The following PGBD5 variants were observed in gnomAD, a reference collection of about 807,000 sequenced individuals.
PGBD5 encodes piggyBac transposable element derived 5.
PGBD5 carries 14 observed loss-of-function variants against 47.9 expected under a neutral mutation model. That is an observed-to-expected ratio of 0.29 (90% CI 0.19 to 0.46). The LOEUF is 0.46. Ranked by LOEUF, PGBD5 falls within the 20% of genes least tolerant of loss-of-function variation. PGBD5 has a pLI of 1.00. For missense variants in PGBD5, 635 were observed against 716.0 expected, an observed-to-expected ratio of 0.89 and a Z score of 1.29; for synonymous variants, 316 against 306.3, an observed-to-expected ratio of 1.03 and a Z score of -0.33.
intron 3 of PGBD5, among the ~76,000 whole-genome samples, chr1:230,338,610 C>A (rs962283384): frequency 6.6e-6 from 1 of 152,112 alleles, no homozygotes; most frequent in African/African-American, 2.4e-5. Flanking sequence ...ACCAGCCTGA[C>A]CAACATGGTG....
chr1:230,326,398 G>A (rs1667118424), intron 5 of PGBD5, among the ~76,000 whole-genome samples: 1 of 152,136 alleles, frequency 6.6e-6, no homozygotes, highest in Non-Finnish European at 1.5e-5. Flanking sequence ...CAGCCTGGGT[G>A]ACAAGAGCGA....
At position 230,322,209 on chromosome 1, in the gene PGBD5, G is replaced by A. The variant is rs1422928355; in HGVS notation, c.*1216C>T. 1.3e-5 allele frequency: 2 copies of A among 152,312 alleles called. No individual in the cohort carries two copies. The highest frequency in any genetic ancestry group is 1.3e-4 in the Admixed American group (2 of 15,284). The allele number at this position is 152,312 out of a possible 1,614,324, so 9.4% of individuals were successfully genotyped here. A position where few individuals can be genotyped will look rare whatever the true frequency, so the allele number is the denominator to read the frequency against. On this transcript the variant is annotated 3_prime_UTR_variant, in exon 7 of 7. Coordinates refer to ENST00000391860, the MANE Select transcript of PGBD5 (RefSeq NM_001258311.2). The surrounding 1 kb of genome is among the most constrained non-coding windows in gnomAD (Gnocchi z 5.9). ...GCCCAGATCTGCCTGGGGGACACACGAGCCTCGCTGCCAGTGCCGGGCACG... is the reference window on the plus strand; with the variant it reads ...GCCCAGATCTGCCTGGGGGACACACAAGCCTCGCTGCCAGTGCCGGGCACG...
intron 1 of PGBD5, among the ~76,000 whole-genome samples, chr1:230,396,195 CCCA>C (rs1234205691): frequency 1.9e-5 from 2 of 107,768 alleles, no homozygotes; most frequent in African/African-American, 8.3e-5. Context: ...TTTTTACCCC[CCCA>C]CTCTTCCCTT....
chr1:230,369,177 G>A (rs1488061707), intron 1 of PGBD5, among the ~76,000 whole-genome samples: 3 of 152,244 alleles, frequency 2.0e-5, no homozygotes, highest in African/African-American at 7.2e-5. Context: ...ACATCACAAG[G>A]TGAACCCAGA....
intron 2 of PGBD5, among the ~76,000 whole-genome samples, chr1:230,354,291 T>C (rs538593436): frequency 5.3e-5 from 8 of 152,282 alleles, no homozygotes; most frequent in African/African-American, 1.9e-4. Flanking sequence ...CCAGGCTGTA[T>C]GATGGAGTGT....
rs143223857 is a variant in PGBD5 at position 230,377,577 on chromosome 1, G to A, written c.332-20256C>T. On this transcript the variant is annotated intron_variant, in intron 1 of 6. Transcript: ENST00000391860. ...GCAGCTCAGGTCCTGCAGAGTCCCC[G>A]AGAGTACTTTGCACGAAGAGAGCTC... The A allele has an allele frequency of 3.1e-3, 4,917 of 1,600,496 alleles. 12 individuals are homozygous for A. Among genetic ancestry groups the A allele is most frequent in the Non-Finnish European group, 3.7e-3 (4,368 of 1,173,458 alleles).
intron 1 of PGBD5, among the ~76,000 whole-genome samples, chr1:230,361,836 C>T (rs1327167060): frequency 2.6e-5 from 4 of 152,202 alleles, no homozygotes; most frequent in Non-Finnish European, 5.9e-5. Flanking sequence ...CAAGAAGGGC[C>T]CCAAACCCAG....
In PGBD5 at chr1:230,323,631, A is replaced by T. The variant is rs371370830; in HGVS notation, c.1380-11T>A. On this transcript the variant is annotated splice_polypyrimidine_tract_variant and intron_variant, in intron 6 of 6. Transcript: ENST00000391860. The surrounding 1 kb of genome is among the most constrained non-coding windows in gnomAD (Gnocchi z 4.1). ...TGAGAAATGAAATACCTGAGGACAGAGGGAATAAGAACGGCTGACCCGATG... is the reference window on the plus strand; with the variant it reads ...TGAGAAATGAAATACCTGAGGACAGTGGGAATAAGAACGGCTGACCCGATG... 197 of 1,610,448 alleles carry T rather than the reference A, an allele frequency of 1.2e-4. 1 individual carries two copies. Among genetic ancestry groups the T allele is most frequent in the Middle Eastern group, 1.7e-4 (1 of 6,030 alleles).
rs190750960 is a variant in PGBD5 at position 230,372,091 on chromosome 1, C to T, written c.332-14770G>A. On this transcript the variant is annotated intron_variant, in intron 1 of 6. Coordinates refer to ENST00000391860, the MANE Select transcript of PGBD5 (RefSeq NM_001258311.2). ...AGTGATAGCAAGCAGGTCTTTTAGG[C>T]GATGCCCCAAGAGAACTGTCCATGA... 1.8e-3 allele frequency among the ~76,000 whole-genome samples: 280 copies of T among 152,256 alleles called. 3 individuals are homozygous for T. The highest frequency in any genetic ancestry group is 0.017 in the Middle Eastern group (5 of 294).
intron 1 of PGBD5, among the ~76,000 whole-genome samples, chr1:230,392,029 G>A (rs1656798170): frequency 6.6e-6 from 1 of 152,238 alleles, no homozygotes; most frequent in African/African-American, 2.4e-5. Flanking sequence ...ACTTTTCATA[G>A]GAAAAGGCTG....
At chr1:230,343,135 C>A (rs760254563) in intron 3 of PGBD5, among the ~76,000 whole-genome samples, 26 of 152,186 alleles carry the variant, frequency 1.7e-4, no homozygotes, top group Admixed American at 1.4e-3. Flanking sequence ...CATGACCATG[C>A]CCAGGAAGAG....
At chr1:230,336,827 C>T (rs1430622283) in intron 4 of PGBD5, among the ~76,000 whole-genome samples, 2 of 25,332 alleles carry the variant, frequency 7.9e-5, no homozygotes, top group Non-Finnish European at 6.3e-4. Context: ...AGATTTCCAA[C>T]AGGGGACACA....
chr1:230,412,776 G>A (rs1314045919), intron 1 of PGBD5, among the ~76,000 whole-genome samples: 1 of 152,154 alleles, frequency 6.6e-6, no homozygotes, highest in African/African-American at 2.4e-5. Context: ...CTGTCTCAGG[G>A]GTGGAGGTGG....
intron 5 of PGBD5, among the ~76,000 whole-genome samples, chr1:230,330,649 GCCCACCTGAAGCA>G (rs1667199106): frequency 6.6e-6 from 1 of 152,166 alleles, no homozygotes; most frequent in South Asian, 2.1e-4. Context: ...CCAGGTCTGT[GCCCACCTGAAGCA>G]CCCACCTGAA....
At chr1:230,411,604 C>G (rs1206846287) in intron 1 of PGBD5, among the ~76,000 whole-genome samples, 1 of 152,154 alleles carries the variant, frequency 6.6e-6, no homozygotes, top group Non-Finnish European at 1.5e-5. Context: ...TAAACCAATT[C>G]ATTTATGAAG....
At chr1:230,393,842 A>T (rs865841981) in intron 1 of PGBD5, among the ~76,000 whole-genome samples, 1,742 of 149,832 alleles carry the variant, frequency 0.012, 14 homozygotes, top group Non-Finnish European at 0.015. Flanking sequence ...AAAAAAAAAA[A>T]AATAATAGGC....
rs752888686 is a variant in PGBD5, at chr1:230,327,216, A to ATTT, written c.1274-1804_1274-1802dup. Among the ~76,000 whole-genome samples, 576 of 147,634 alleles carry ATTT rather than the reference A, an allele frequency of 3.9e-3. 7 individuals are homozygous for ATTT. The East Asian group carries it at 0.051, about 13-fold the overall frequency. ...TATGGGCACAGTGCCATTTTTCTGT[A>ATTT]TTTTTTTTTTTAAGGCATTGGCTCA... On this transcript the variant is annotated intron_variant, in intron 5 of 6. Transcript: ENST00000391860.
intron 4 of PGBD5, among the ~76,000 whole-genome samples, chr1:230,334,654 G>A (rs982135741): frequency 3.9e-5 from 6 of 152,150 alleles, no homozygotes; most frequent in African/African-American, 1.4e-4. Flanking sequence ...GAGGAGGCAC[G>A]GTGCAGCCAC....
At chr1:230,378,517 AGTAGTATAGCTTG>A (rs1362629570) in intron 1 of PGBD5, among the ~76,000 whole-genome samples, 2 of 152,210 alleles carry the variant, frequency 1.3e-5, no homozygotes, top group African/African-American at 2.4e-5. Flanking sequence ...AAATGACATC[AGTAGTATAGCTTG>A]GAGATGGGAG....
Sources: gnomAD v4.1 joint callset for allele counts (sites outside exome capture counted in the v4.1 genomes callset) on GRCh38, gnomAD v4.1.1 for gene constraint, Gnocchi (gnomAD v3.1) non-coding constraint, MANE v1.5 for transcripts, NCBI Gene and HGNC (gene_info 2026-07-23, HGNC 2026-07-21) for gene names.